KCNH5: variants seen among roughly 807,000 people sequenced by gnomAD.
KCNH5 encodes potassium voltage-gated channel subfamily H member 5, also known as voltage-gated delayed rectifier potassium channel KCNH5.
A neutral mutation model predicts 96.1 loss-of-function variants in KCNH5; 46 were observed. The ratio of observed to expected loss-of-function variants is 0.48; its 90% CI spans 0.38 to 0.61. The LOEUF is 0.61. Ranked by LOEUF, KCNH5 falls within the 20% of genes least tolerant of loss-of-function variation. The pLI is 0.00. For synonymous variants in KCNH5, 439 were observed against 449.8 expected (o/e 0.98, Z 0.30); for missense variants, 907 against 1,225.8 (o/e 0.74, Z 3.88).
At chr14:62,740,984 A>G (rs114766630) in intron 10 of KCNH5, among the ~76,000 whole-genome samples, 276 of 152,300 alleles carry the variant, frequency 1.8e-3, no homozygotes, top group African/African-American at 6.4e-3. Flanking sequence ...TTTTAAGTAG[A>G]AGTCACAAAC....
intron 8 of KCNH5, among the ~76,000 whole-genome samples, chr14:62,813,809 G>A (rs1401403895): frequency 6.6e-6 from 1 of 152,168 alleles, no homozygotes; most frequent in East Asian, 1.9e-4. Context: ...GGAATGAGGA[G>A]CTTAAGTAGC....
intron 7 of KCNH5, among the ~76,000 whole-genome samples, chr14:62,892,038 G>C (rs1384892618): frequency 6.6e-6 from 1 of 152,130 alleles, no homozygotes; most frequent in Non-Finnish European, 1.5e-5. Flanking sequence ...TGCAGTGAAA[G>C]GAAGAGTCCC....
intron 10 of KCNH5, among the ~76,000 whole-genome samples, chr14:62,776,419 C>T (rs1424762869): frequency 6.6e-6 from 1 of 152,036 alleles, no homozygotes; most frequent in Non-Finnish European, 1.5e-5. Flanking sequence ...ATTTGCAAGC[C>T]AGGAAAAGAA....
At chr14:62,913,824 C>T (rs777194293) in intron 7 of KCNH5, among the ~76,000 whole-genome samples, 6 of 152,016 alleles carry the variant, frequency 3.9e-5, no homozygotes, top group African/African-American at 4.8e-5. Context: ...AGTAATACAC[C>T]CCTGAAGCTT....
chr14:62,720,054 G>C (rs946057964), intron 10 of KCNH5, among the ~76,000 whole-genome samples: 27 of 152,304 alleles, frequency 1.8e-4, no homozygotes, highest in African/African-American at 6.5e-4. Flanking sequence ...TAAGGACATA[G>C]GGAATGGCAG....
At chr14:62,988,673 A>ACCCT (rs1442559201) in intron 4 of KCNH5, among the ~76,000 whole-genome samples, 5 of 149,456 alleles carry the variant, frequency 3.3e-5, no homozygotes, top group African/African-American at 1.3e-4. Context: ...CCTAAGGCTT[A>ACCCT]CCCTGTACAA....
At chr14:62,730,280 G>A (rs75479279) in intron 10 of KCNH5, among the ~76,000 whole-genome samples, 4,158 of 152,198 alleles carry the variant, frequency 0.027, 116 homozygotes, top group African/African-American at 0.077. Flanking sequence ...GACAAGAAAC[G>A]TGGATAAAGT....
intron 10 of KCNH5, among the ~76,000 whole-genome samples, chr14:62,740,884 G>GA (rs2139934552): frequency 6.6e-6 from 1 of 152,226 alleles, no homozygotes; most frequent in East Asian, 1.9e-4. Flanking sequence ...TTAAAATAAA[G>GA]AACTCATTGG....
At chr14:62,713,730 G>A (rs1188063663) in intron 10 of KCNH5, among the ~76,000 whole-genome samples, 1 of 152,158 alleles carries the variant, frequency 6.6e-6, no homozygotes, top group Non-Finnish European at 1.5e-5. Context: ...AAGTTTAAAA[G>A]AATGTACAAA....
intron 10 of KCNH5, among the ~76,000 whole-genome samples, chr14:62,709,232 CAAAAAAAAAA>C (rs67304113): frequency 0.021 from 1,520 of 71,616 alleles, 39 homozygotes; most frequent in African/African-American, 0.073. Flanking sequence ...GACTCCTTCT[CAAAAAAAAAA>C]AAAAAAAAAA....
intron 6 of KCNH5, among the ~76,000 whole-genome samples, chr14:62,960,156 C>G (rs572448181): frequency 2.6e-5 from 4 of 152,262 alleles, no homozygotes; most frequent in Admixed American, 2.6e-4. Context: ...ATGGAATGTT[C>G]TATAATTCTT....
intron 1 of KCNH5, among the ~76,000 whole-genome samples, chr14:63,037,925 G>A (rs777577790): frequency 3.2e-4 from 48 of 152,168 alleles, no homozygotes; most frequent in Non-Finnish European, 3.1e-4. Context: ...TTTTTAAGCA[G>A]TTCTTTCTGG....
intron 4 of KCNH5, among the ~76,000 whole-genome samples, chr14:62,988,697 CAA>C (rs78891981): frequency 1.3e-5 from 2 of 149,868 alleles, no homozygotes; most frequent in African/African-American, 4.9e-5. Flanking sequence ...GCTGTGGAAA[CAA>C]AAAAAAAGGG....
At chr14:62,859,693 C>T (rs1334128027) in intron 7 of KCNH5, among the ~76,000 whole-genome samples, 1 of 152,224 alleles carries the variant, frequency 6.6e-6, no homozygotes, top group Non-Finnish European at 1.5e-5. Flanking sequence ...AAGTGCATAA[C>T]CAGGTGGCCT....
At chr14:62,932,874 C>T (rs1478777099) in intron 7 of KCNH5, among the ~76,000 whole-genome samples, 1 of 152,094 alleles carries the variant, frequency 6.6e-6, no homozygotes, top group African/African-American at 2.4e-5. Flanking sequence ...TAAATCTCTA[C>T]CCAGACAAGC....
intron 6 of KCNH5, among the ~76,000 whole-genome samples, chr14:62,952,902 A>T (rs1890034191): frequency 6.6e-6 from 1 of 152,174 alleles, no homozygotes; most frequent in Non-Finnish European, 1.5e-5. Flanking sequence ...ATTTTCTAAT[A>T]TTTAGAAGTA....
At chr14:62,985,437 G>C (rs1452215621) in intron 5 of KCNH5, among the ~76,000 whole-genome samples, 2 of 152,168 alleles carry the variant, frequency 1.3e-5, no homozygotes, top group Non-Finnish European at 2.9e-5. Context: ...AAATTACTCT[G>C]AAGTGCTTCG....
chr14:62,896,078 T>C (rs1888806324), intron 7 of KCNH5, among the ~76,000 whole-genome samples: 1 of 152,194 alleles, frequency 6.6e-6, no homozygotes, highest in Non-Finnish European at 1.5e-5. Flanking sequence ...ATAGTCCATA[T>C]ATATGTCCAG....
intron 7 of KCNH5, among the ~76,000 whole-genome samples, chr14:62,864,502 G>T (rs1888096373): frequency 6.6e-6 from 1 of 152,130 alleles, no homozygotes; most frequent in South Asian, 2.1e-4. Flanking sequence ...CAAATTATAT[G>T]ACTGAGCTGA....
Sources: allele counts gnomAD v4.1 joint callset (sites outside exome capture counted in the v4.1 genomes callset), GRCh38; gene constraint gnomAD v4.1.1; transcripts MANE v1.5; gene names NCBI Gene and HGNC (gene_info 2026-07-23, HGNC 2026-07-21).